Variants in KLRG1 observed in about 807,000 individuals in gnomAD.
The protein encoded by KLRG1 is killer cell lectin-like receptor subfamily G member 1.
A neutral mutation model predicts 21.8 loss-of-function variants in KLRG1; 16 were observed. The observed-to-expected ratio is 0.73, with a 90% CI of 0.50 to 1.11. KLRG1 has a LOEUF of 1.11. Ranked by LOEUF, KLRG1 falls within the 50% of genes most tolerant of loss-of-function variation. KLRG1 has a pLI of 0.00. For missense variants in KLRG1, 173 were observed against 218.3 expected, an observed-to-expected ratio of 0.79 and a Z score of 1.31; for synonymous variants, 69 against 75.9, an observed-to-expected ratio of 0.91 and a Z score of 0.47.
At chr12:9,062,563 A>G in the KLRG1 span, among the ~76,000 whole-genome samples, 1 of 146,256 alleles carries the variant, frequency 6.8e-6, no homozygotes, top group African/African-American at 2.5e-5. Context: ...TTATACATTT[A>G]TATATTATAC....
intron 1 of KLRG1, among the ~76,000 whole-genome samples, chr12:8,972,670 A>G (rs745578699): frequency 2.0e-5 from 3 of 152,124 alleles, no homozygotes; most frequent in Non-Finnish European, 4.4e-5. Context: ...ATTGGTTTAT[A>G]TGTCTGTTTT....
the KLRG1 span, chr12:9,154,818 C>A: frequency 6.2e-7 from 1 of 1,613,890 alleles, no homozygotes; most frequent in Middle Eastern, 1.7e-4. Context: ...TCTCTGAGGG[C>A]GCTCCCAATG....
At chr12:9,201,395 G>T in the KLRG1 span, 3 of 1,467,932 alleles carry the variant, frequency 2.0e-6, no homozygotes, top group African/African-American at 2.8e-5. Flanking sequence ...TCCAGCAAAG[G>T]CTACAATTTC....
the KLRG1 span, among the ~76,000 whole-genome samples, chr12:9,200,027 G>A: frequency 1.3e-5 from 2 of 152,150 alleles, no homozygotes; most frequent in African/African-American, 2.4e-5. Context: ...TTAAGTGATC[G>A]TGTTGTCGCA....
the KLRG1 span, among the ~76,000 whole-genome samples, chr12:9,055,317 G>C: frequency 6.6e-6 from 1 of 152,168 alleles, no homozygotes; most frequent in African/African-American, 2.4e-5. Context: ...TGCAAAAAAT[G>C]TTTCCACTCA....
At chr12:9,050,314 G>T in the KLRG1 span, among the ~76,000 whole-genome samples, 1 of 152,310 alleles carries the variant, frequency 6.6e-6, no homozygotes, top group South Asian at 2.1e-4. Context: ...CACTAGCTCT[G>T]CCACTTGTTA....
chr12:9,033,808 C>T, the KLRG1 span, among the ~76,000 whole-genome samples: 1 of 152,128 alleles, frequency 6.6e-6, no homozygotes, highest in African/African-American at 2.4e-5. Flanking sequence ...TATGAGCTCC[C>T]CTCATCCCAG....
chr12:9,170,513 G>A, the KLRG1 span, among the ~76,000 whole-genome samples: 1 of 152,192 alleles, frequency 6.6e-6, no homozygotes, highest in South Asian at 2.1e-4. This position sits in a 1 kb window ranked among gnomAD's most constrained non-coding sequence, Gnocchi z 4.6. Context: ...CACTTCCACA[G>A]CACCTCACAG....
the KLRG1 span, chr12:9,161,045 A>T: frequency 6.3e-7 from 1 of 1,591,646 alleles, no homozygotes; most frequent in Non-Finnish European, 8.6e-7. Flanking sequence ...AGAACTGAGA[A>T]AGAAGCTCTG....
chr12:8,981,240 C>T (rs1402290592), intron 1 of KLRG1, among the ~76,000 whole-genome samples: 1 of 152,052 alleles, frequency 6.6e-6, no homozygotes, highest in African/African-American at 2.4e-5. Context: ...GTTAATTTTT[C>T]TAGTCTTTGT....
chr12:9,148,896 G>C, the KLRG1 span: 10 of 1,304,910 alleles, frequency 7.7e-6, no homozygotes, highest in Non-Finnish European at 9.8e-6. Flanking sequence ...CTATTTTATA[G>C]AGACAAATAA....
chr12:9,013,726 C>A (rs751420364), downstream of KLRG1, among the ~76,000 whole-genome samples: 1 of 152,126 alleles, frequency 6.6e-6, no homozygotes, highest in African/African-American at 2.4e-5. Context: ...ATGGGAAAGA[C>A]CCACCCCCAT....
At chr12:8,954,999 C>T (rs1946265132) in intron 1 of KLRG1, among the ~76,000 whole-genome samples, 1 of 151,668 alleles carries the variant, frequency 6.6e-6, no homozygotes, top group Non-Finnish European at 1.5e-5. Flanking sequence ...TCACTGCAAC[C>T]TCTGCCTTCT....
At chr12:9,089,070 A>G in the KLRG1 span, 24 of 728,806 alleles carry the variant, frequency 3.3e-5, no homozygotes, top group East Asian at 6.3e-4. Context: ...TATTTTCCAC[A>G]TTTGTCAAAT....
chr12:9,065,097 TC>T, the KLRG1 span: 4 of 144,818 alleles, frequency 2.8e-5, no homozygotes, highest in Admixed American at 2.8e-4. Flanking sequence ...AGCGACGTCA[TC>T]CCTGCCCCGG....
At chr12:9,077,706 T>C in the KLRG1 span, 2 of 1,613,964 alleles carry the variant, frequency 1.2e-6, no homozygotes, top group African/African-American at 1.3e-5. Flanking sequence ...TTCACCTTTA[T>C]GGCATTGTTG....
the KLRG1 span, among the ~76,000 whole-genome samples, chr12:9,188,993 A>T: frequency 6.6e-6 from 1 of 152,216 alleles, no homozygotes; most frequent in Non-Finnish European, 1.5e-5. Flanking sequence ...GCTCAAAGAA[A>T]TCAGAGATGA....
At position 9,009,422 on chromosome 12, in the gene KLRG1, A is replaced by G. The variant is rs777237157; in HGVS notation, c.459-4A>G. 12 of 1,613,674 alleles carry G rather than the reference A, an allele frequency of 7.4e-6. No homozygotes were observed. The highest frequency in any genetic ancestry group is 1.7e-4 in the Middle Eastern group (1 of 6,058). ...AAGTGATTGACTTTTCTGATTTCTTACAGGATTTCTTCTAATAGCTTTGTG... is the reference window on the plus strand; with the variant it reads ...AAGTGATTGACTTTTCTGATTTCTTGCAGGATTTCTTCTAATAGCTTTGTG... On this transcript the variant is annotated splice_polypyrimidine_tract_variant and splice_region_variant and intron_variant, in intron 4 of 4. Transcript: ENST00000356986.
At chr12:9,064,268 C>G in the KLRG1 span, 13 of 152,602 alleles carry the variant, frequency 8.5e-5, no homozygotes, top group East Asian at 1.9e-4. This position sits in a 1 kb window ranked among gnomAD's most constrained non-coding sequence, Gnocchi z 4.0. Flanking sequence ...AAGGTAGTAC[C>G]TATTTCACAA....
Sources: gnomAD v4.1 joint callset for allele counts (sites outside exome capture counted in the v4.1 genomes callset) on GRCh38, gnomAD v4.1.1 for gene constraint, Gnocchi (gnomAD v3.1) non-coding constraint, MANE v1.5 for transcripts, NCBI Gene and HGNC (gene_info 2026-07-23, HGNC 2026-07-21) for gene names.